The following KIF1A variants were observed in gnomAD, a reference collection of about 807,000 sequenced individuals.
The protein encoded by KIF1A is kinesin family member 1A.
Under a neutral mutation model 227.3 loss-of-function variants are expected in KIF1A, and 46 were observed. The observed-to-expected ratio is 0.20, with a 90% CI of 0.16 to 0.26. KIF1A has a LOEUF of 0.26. Among genes scored for constraint, KIF1A ranks in the 10% least tolerant of loss-of-function variants. The pLI is 1.00. For missense variants in KIF1A, 1,683 were observed against 2,485.9 expected (o/e 0.68, Z 6.87); for synonymous variants, 1,022 against 1,012.8 (o/e 1.01, Z -0.17).
In KIF1A at chr2:240,769,163, G is replaced by A. The variant is rs759456451; in HGVS notation, c.1467C>T (p.Gly489=). ...AEMGVAMRED[G]GTLGVFSPKK... is the part of the protein sequence containing the mutation. ...TGGGAGAGAATACGCCCAAGGTGCC[G>A]CCATCCTCCCTCATGGCCACACCCA... The change falls in exon 17 of 49, where the codon GGC becomes GGT. Residue 489 remains glycine (G), a synonymous_variant. Coordinates refer to ENST00000498729, the MANE Select transcript of KIF1A (RefSeq NM_001244008.2). 1.2e-5 allele frequency: 19 copies of A among 1,610,920 alleles called. No homozygotes were observed. Among genetic ancestry groups the A allele is most frequent in the Admixed American group, 8.4e-5 (5 of 59,696 alleles).
Position 240,736,391 on chromosome 2 carries a change from C to T in KIF1A, c.4007+672G>A, listed in dbSNP as rs536859444. 2.0e-5 allele frequency among the ~76,000 whole-genome samples: 3 copies of T among 152,062 alleles called. No individual in the cohort carries two copies. The highest frequency in any genetic ancestry group is 2.1e-4 in the South Asian group (1 of 4,816). ...AGCGTCTGGGACGCAGTGGAGCCCG[C>T]GGGACGTCCCCACCCACCAGGGCTG... On this transcript the variant is annotated intron_variant, in intron 38 of 48. Transcript: ENST00000498729. This position sits in a 1 kb window ranked among gnomAD's most constrained non-coding sequence, Gnocchi z 4.7.
At position 240,747,299 on chromosome 2, in the gene KIF1A, A is replaced by G. The variant is rs2048714381; in HGVS notation, c.3000T>C (p.Tyr1000=). The part of the protein sequence containing the change: ...AISADEEAPD[Y]GSGVRQSGTA... Reference sequence around the variant, plus strand: ...TTCCCGACTGGCGGACGCCAGAGCCATAATCAGGGGCCTCTTCATCGGCTG... The same window carrying G: ...TTCCCGACTGGCGGACGCCAGAGCCGTAATCAGGGGCCTCTTCATCGGCTG... The change falls in exon 29 of 49, where the codon TAT becomes TAC. Residue 1000 remains tyrosine, a synonymous_variant. Transcript: ENST00000498729. 6.2e-7 allele frequency: 1 copy of G among 1,613,448 alleles called. No individual in the cohort carries two copies. The highest frequency in any genetic ancestry group is 8.5e-7 in the Non-Finnish European group (1 of 1,179,606).
intron 20 of KIF1A, 69 bp downstream of exon 20, chr2:240,765,641 G>A: frequency 7.9e-7 from 1 of 1,273,586 alleles, no homozygotes; most frequent in Non-Finnish European, 1.1e-6. Context: ...CGGTGGCTTG[G>A]ACATGGGAAC....
At chr2:240,731,879 AGGGATGAGGGGAGGAG>A (rs1466480275) in intron 38 of KIF1A, among the ~76,000 whole-genome samples, 338 of 25,764 alleles carry the variant, frequency 0.013, 6 homozygotes, top group Middle Eastern at 0.068. Context: ...TTGGGGGGTA[AGGGATGAGGGGAGGAG>A]GGGAGGAGGG....
In KIF1A at chr2:240,715,834, G is replaced by A. The variant is rs1396627036; in HGVS notation, c.*1530C>T. 1 of 152,314 alleles carries A rather than the reference G, an allele frequency of 6.6e-6. No individual in the cohort carries two copies. The highest frequency in any genetic ancestry group is 1.5e-5 in the Non-Finnish European group (1 of 68,044). The allele number at this position is 152,314 out of a possible 1,614,324, so 9.4% of individuals were successfully genotyped here. On this transcript the variant is annotated 3_prime_UTR_variant, in exon 49 of 49. Coordinates refer to ENST00000498729, the MANE Select transcript of KIF1A (RefSeq NM_001244008.2). ...GGAGGCAGGATCTGATGAAAGTGCT[G>A]GGCCCTAGGTCTGGAGCACCAGACC...
chr2:240,768,788 C>T (rs1258960014), intron 17 of KIF1A, among the ~76,000 whole-genome samples: 1 of 152,208 alleles, frequency 6.6e-6, no homozygotes, highest in Admixed American at 6.5e-5. Context: ...GTGAGCAGCC[C>T]AGGCTCCAGG....
Position 240,717,324 on chromosome 2 carries a change from G to A in KIF1A, c.*40C>T, listed in dbSNP as rs748374545. ...CAGGACAGACGAGGATGAGGGAGGG[G>A]ATGGGCTGGGCCTGCCGGCTGTCAC... On this transcript the variant is annotated 3_prime_UTR_variant, in exon 49 of 49. Coordinates refer to ENST00000498729, the MANE Select transcript of KIF1A (RefSeq NM_001244008.2). 1.3e-6 allele frequency: 2 copies of A among 1,587,332 alleles called. No individual in the cohort carries two copies. The highest frequency in any genetic ancestry group is 1.7e-6 in the Non-Finnish European group (2 of 1,159,424).
At chr2:240,770,879 G>C (rs985860441) in intron 15 of KIF1A, 92 bp downstream of exon 15, 23 of 1,469,964 alleles carry the variant, frequency 1.6e-5, no homozygotes, top group Non-Finnish European at 2.1e-5. Flanking sequence ...ATGAGGATGG[G>C]CTGTACCCAG....
In KIF1A at chr2:240,788,537, C is replaced by T. The variant is rs967274323; in HGVS notation, c.184-307G>A. Among the ~76,000 whole-genome samples, 17 of 152,076 alleles carry T rather than the reference C, an allele frequency of 1.1e-4. 1 individual carries two copies. The highest frequency in any genetic ancestry group is 1.5e-5 in the Non-Finnish European group (1 of 68,018). On this transcript the variant is annotated intron_variant, in intron 3 of 48. Coordinates refer to ENST00000498729, the MANE Select transcript of KIF1A (RefSeq NM_001244008.2). This position sits in a 1 kb window ranked among gnomAD's most constrained non-coding sequence, Gnocchi z 6.6. ...AAAGCCAAAGTAAGTTCCATGTGAC[C>T]GTGACAAGCAGGGGTGACAAGAGCT... is the stretch of plus-strand genomic sequence containing the variant.
intron 1 of KIF1A, among the ~76,000 whole-genome samples, chr2:240,815,336 G>T (rs749905288): frequency 5.9e-5 from 9 of 152,222 alleles, no homozygotes; most frequent in Non-Finnish European, 1.2e-4. Flanking sequence ...CAGGGCTGAG[G>T]TGGGGGCAGG....
chr2:240,720,095 T>A, intron 45 of KIF1A, 169 bp from the exon 46 acceptor site: 1 of 552,278 alleles, frequency 1.8e-6, no homozygotes, highest in Non-Finnish European at 2.9e-6. Flanking sequence ...TCCACCAGGA[T>A]AGCCAAGCTT....
chr2:240,783,995 G>A (rs763889829), intron 7 of KIF1A, among the ~76,000 whole-genome samples, 179 bp from the exon 8 acceptor site: 14 of 152,052 alleles, frequency 9.2e-5, no homozygotes, highest in Non-Finnish European at 1.3e-4. Context: ...CCGCACCTCC[G>A]TCCCAGCTCT....
At chr2:240,780,007 CACAA>C (rs1046537463) in intron 10 of KIF1A, among the ~76,000 whole-genome samples, 1 of 152,114 alleles carries the variant, frequency 6.6e-6, no homozygotes, top group Non-Finnish European at 1.5e-5. Context: ...TTCACAGTTC[CACAA>C]ACAGTTTCTC....
rs1161091334 is a variant in KIF1A at position 240,736,127 on chromosome 2, C to A, written c.4007+936G>T. Among the ~76,000 whole-genome samples, 2 of 152,150 alleles carry A rather than the reference C, an allele frequency of 1.3e-5. No homozygotes were observed. The highest frequency in any genetic ancestry group is 2.9e-5 in the Non-Finnish European group (2 of 68,038). ...ATGAAACCAAAGCTTTGTGTGGACC[C>A]AAGTCAGAAGAATAGGAGACGACGC... On this transcript the variant is annotated intron_variant, in intron 38 of 48. Transcript: ENST00000498729. This position sits in a 1 kb window ranked among gnomAD's most constrained non-coding sequence, Gnocchi z 4.7.
Position 240,714,230 on chromosome 2 carries a change from C to CCG in KIF1A, c.*3132_*3133dup, listed in dbSNP as rs1485808155. On this transcript the variant is annotated 3_prime_UTR_variant, in exon 49 of 49. Transcript: ENST00000498729. ...GACAGGGAGGGCCACCTCATCACAG[C>CCG]CGTCCTGGGTGGGGGAGTTTGTGCC... 6.6e-6 allele frequency: 1 copy of CCG among 152,478 alleles called. No individual in the cohort carries two copies. Among genetic ancestry groups the CCG allele is most frequent in the African/African-American group, 2.4e-5 (1 of 41,452 alleles). 9.4% of individuals were successfully genotyped at this position (152,478 alleles called of 1,614,324 possible).
chr2:240,814,994 A>G (rs2058209910), intron 1 of KIF1A, among the ~76,000 whole-genome samples: 1 of 152,212 alleles, frequency 6.6e-6, no homozygotes, highest in Non-Finnish European at 1.5e-5. Context: ...CTAAGTACAG[A>G]GCTGACGCAA....
chr2:240,760,678 G>C lies in KIF1A; in HGVS notation c.2431C>G (p.Leu811Val). The C allele has an allele frequency of 6.5e-7, 1 of 1,531,638 alleles. No individual in the cohort carries two copies. 94.9% of individuals were successfully genotyped at this position (1,531,638 alleles called of 1,614,324 possible). A position where few individuals can be genotyped will look rare whatever the true frequency, so the allele number is the denominator to read the frequency against. The change falls in exon 25 of 49, where the codon CTG (leucine) becomes GTG (valine). Residue 811 changes from leucine to valine, a missense_variant. Coordinates refer to ENST00000498729, the MANE Select transcript of KIF1A (RefSeq NM_001244008.2). ...CTCCAGCCCCACCTGAGCTTCTCCA[G>C]CGTCCAGTAGTGGGTGGCCCCGTTC... The part of the protein sequence containing the change: ...QKNGATHYWT[L>V]EKLRQRLDLM...
chr2:240,731,503 C>T (rs2046596424), intron 38 of KIF1A, among the ~76,000 whole-genome samples: 1 of 152,234 alleles, frequency 6.6e-6, no homozygotes, highest in Non-Finnish European at 1.5e-5. Flanking sequence ...AGACAACCAG[C>T]ATGTCACTGC....
At position 240,736,550 on chromosome 2, in the gene KIF1A, T is replaced by C. The variant is rs890614459; in HGVS notation, c.4007+513A>G. 6.6e-6 allele frequency among the ~76,000 whole-genome samples: 1 copy of C among 152,078 alleles called. No individual in the cohort carries two copies. The highest frequency in any genetic ancestry group is 1.5e-5 in the Non-Finnish European group (1 of 67,992). Reference sequence around the variant, plus strand: ...CGCCAAAACCCCAGCCTAAATGCGGTCGGGCTGGGACCGCCCAGACTGTGG... The same window carrying C: ...CGCCAAAACCCCAGCCTAAATGCGGCCGGGCTGGGACCGCCCAGACTGTGG... On this transcript the variant is annotated intron_variant, in intron 38 of 48. Transcript: ENST00000498729. This position sits in a 1 kb window ranked among gnomAD's most constrained non-coding sequence, Gnocchi z 4.7.
Sources: allele counts gnomAD v4.1 joint callset (sites outside exome capture counted in the v4.1 genomes callset), GRCh38; gene constraint gnomAD v4.1.1; non-coding constraint Gnocchi (gnomAD v3.1); transcripts MANE v1.5; gene names NCBI Gene and HGNC (gene_info 2026-07-23, HGNC 2026-07-21).